NLRP12: variants seen among roughly 807,000 people sequenced by gnomAD.
NLRP12 encodes the protein NLR family pyrin domain containing 12.
NLRP12 carries 108 observed loss-of-function variants against 91.2 expected under a neutral mutation model. The observed-to-expected ratio is 1.18, with a 90% CI of 1.01 to 1.39. The LOEUF (loss-of-function observed/expected upper bound fraction) is 1.39. Ranked by LOEUF, NLRP12 falls within the 40% of genes most tolerant of loss-of-function variation. The pLI, the probability that NLRP12 is intolerant of heterozygous loss-of-function variation, is 0.00. For missense variants in NLRP12, 1,530 were observed against 1,352.7 expected (o/e 1.13, Z -2.06); for synonymous variants, 613 against 566.7 (o/e 1.08, Z -1.16).
In NLRP12 at chr19:53,795,865, A is replaced by T. The variant is rs2122504184; in HGVS notation, c.3092T>A (p.Val1031Asp). The change falls in exon 9 of 10, where the codon GTC becomes GAC. Residue 1031 changes from valine to aspartate, a missense_variant. By Grantham distance (152) the Val-to-Asp change is radical. Coordinates refer to ENST00000324134, the MANE Select transcript of NLRP12 (RefSeq NM_144687.4). ...ACTGGTCATCATCCCTCACCAGAGG[A>T]CTCGGAGTTTGCAGCCAGGATGGCT... ...RLSHPGCKLR[V>D]LWLFGMDLNK... 6.2e-7 allele frequency: 1 copy of T among 1,613,966 alleles called. No individual in the cohort carries two copies. The highest frequency in any genetic ancestry group is 8.5e-7 in the Non-Finnish European group (1 of 1,179,914).
In NLRP12 at chr19:53,809,579, ATACT is replaced by A. The variant is rs1568675400; in HGVS notation, c.2072+4_2072+7del. On this transcript the variant is annotated splice_donor_5th_base_variant and intron_variant, in intron 3 of 9. Coordinates refer to ENST00000324134, the MANE Select transcript of NLRP12 (RefSeq NM_144687.4). Reference sequence around the variant, plus strand: ...AGCAGCCCCAGGGGATACCCCAGGGATACTTACAGCTGCACCAACAGCGTGTGCG... The same window carrying A: ...AGCAGCCCCAGGGGATACCCCAGGGATACAGCTGCACCAACAGCGTGTGCG... The A allele has an allele frequency of 3.2e-5, 51 of 1,595,508 alleles. No homozygotes were observed. Among genetic ancestry groups the A allele is most frequent in the Non-Finnish European group, 4.3e-5 (50 of 1,168,656 alleles).
Position 53,794,053 on chromosome 19 carries a change from C to T in NLRP12, c.3182G>A (p.Cys1061Tyr), listed in dbSNP as rs199976849. 2 of 1,611,912 alleles carry T rather than the reference C, an allele frequency of 1.2e-6. No individual in the cohort carries two copies. The highest frequency in any genetic ancestry group is 2.2e-5 in the East Asian group (1 of 44,874). ...RVTKPYLDIG[C>Y] The stretch of plus-strand genomic sequence containing the variant: ...AGAGCCAGCAGATAGGACCATTCAG[C>T]AGCCAATGTCCAAATAAGGTTTTGT... Residue 1061 changes from cysteine (C) to tyrosine (Y), a missense_variant, in exon 10 of 10, where the codon TGC (cysteine) becomes TAC (tyrosine). Cys to Tyr is a radical substitution (Grantham distance 194, BLOSUM62 -2). Transcript: ENST00000324134.
At chr19:53,814,781 C>T in intron 2 of NLRP12, 127 bp downstream of exon 2, 1 of 783,256 alleles carries the variant, frequency 1.3e-6, no homozygotes, top group Non-Finnish European at 2.3e-6. Context: ...GAGGAAACTG[C>T]CCCTTTGATG....
intron 1 of NLRP12, among the ~76,000 whole-genome samples, chr19:53,816,936 A>C (rs2092169095): frequency 6.6e-6 from 1 of 152,110 alleles, no homozygotes; most frequent in Admixed American, 6.6e-5. Flanking sequence ...TGCAAGATGA[A>C]GAGTTCTGCA....
intron 8 of NLRP12, among the ~76,000 whole-genome samples, chr19:53,797,485 T>C (rs1378602903): frequency 6.6e-6 from 1 of 151,832 alleles, no homozygotes; most frequent in Non-Finnish European, 1.5e-5. Context: ...AGTGGCATGA[T>C]CTCAGCTCAC....
At chr19:53,799,099 G>A (rs1357799320) in intron 7 of NLRP12, among the ~76,000 whole-genome samples, 1 of 143,778 alleles carries the variant, frequency 7.0e-6, no homozygotes, top group African/African-American at 2.6e-5. Context: ...TGCAACCTCC[G>A]CCTCCTGGGT....
chr19:53,801,421 G>A, intron 6 of NLRP12, 24 bp from the exon 7 acceptor site: 1 of 1,536,884 alleles, frequency 6.5e-7, no homozygotes, highest in Non-Finnish European at 8.9e-7. Flanking sequence ...AATTCAACAA[G>A]CATTATGGAG....
chr19:53,816,775 C>T (rs987951595), intron 1 of NLRP12, among the ~76,000 whole-genome samples: 29 of 151,826 alleles, frequency 1.9e-4, no homozygotes, highest in Admixed American at 1.6e-3. Flanking sequence ...CTCCTGACCT[C>T]AGGTGATCTG....
intron 1 of NLRP12, among the ~76,000 whole-genome samples, chr19:53,816,056 G>A (rs1037675989): frequency 2.0e-5 from 3 of 151,690 alleles, no homozygotes; most frequent in Non-Finnish European, 4.4e-5. Flanking sequence ...AGTGGTATGG[G>A]CCATCGTGCC....
chr19:53,823,493 T>C lies in NLRP12; in HGVS notation c.289+393A>G, dbSNP rs1323676329. The stretch of plus-strand genomic sequence containing the variant: ...TATTTAAAATATATATTTTAAAATA[T>C]ATTTATTTAAAATATATATTTAAAA... On this transcript the variant is annotated intron_variant, in intron 1 of 9. Transcript: ENST00000324134. Among the ~76,000 whole-genome samples, 46 of 82,124 alleles carry C rather than the reference T, an allele frequency of 5.6e-4. No homozygotes were observed. The East Asian group carries it at 0.011, about 20-fold the overall frequency. 53.9% of individuals were successfully genotyped at this position (82,124 alleles called of 152,430 possible).
chr19:53,806,400 G>A (rs1180459332), intron 4 of NLRP12, among the ~76,000 whole-genome samples: 1 of 150,636 alleles, frequency 6.6e-6, no homozygotes, highest in Non-Finnish European at 1.5e-5. Context: ...TTAGCCTGGT[G>A]TGGCTGGGCA....
chr19:53,793,960 G>A lies in NLRP12; in HGVS notation c.*89C>T, dbSNP rs2091697582. Reference sequence around the variant, plus strand: ...ATCTGCATGAGTCTGTCTCTAGGAAGGAGGCTGATCATTATGCTGGGGGGG... The same window carrying A: ...ATCTGCATGAGTCTGTCTCTAGGAAAGAGGCTGATCATTATGCTGGGGGGG... On this transcript the variant is annotated 3_prime_UTR_variant, in exon 10 of 10. Coordinates refer to ENST00000324134, the MANE Select transcript of NLRP12 (RefSeq NM_144687.4). The A allele has an allele frequency of 2.2e-6, 2 of 898,886 alleles. No individual in the cohort carries two copies. The highest frequency in any genetic ancestry group is 3.4e-5 in the Admixed American group (2 of 58,112). The allele number at this position is 898,886 out of a possible 1,614,324, so 55.7% of individuals were successfully genotyped here.
At chr19:53,815,041 G>A (rs997977826) in intron 1 of NLRP12, 53 bp from the exon 2 acceptor site, 22 of 1,328,914 alleles carry the variant, frequency 1.7e-5, no homozygotes, top group African/African-American at 5.8e-5. Flanking sequence ...TAGTAGCACC[G>A]CGTCATATTA....
At chr19:53,794,821 C>T (rs2091719803) in intron 9 of NLRP12, among the ~76,000 whole-genome samples, 1 of 151,940 alleles carries the variant, frequency 6.6e-6, no homozygotes, top group Admixed American at 6.6e-5. Flanking sequence ...CACGTGCCAC[C>T]ATGCCTGGCT....
At chr19:53,801,116 A>T in intron 7 of NLRP12, 111 bp downstream of exon 7, 238 of 758,990 alleles carry the variant, frequency 3.1e-4, no homozygotes, top group Non-Finnish European at 4.9e-4. Flanking sequence ...AAAAAGGCTG[A>T]TGTAGTAGCT....
At chr19:53,823,425 T>TATTTTTAAAAC (rs1349434090) in intron 1 of NLRP12, among the ~76,000 whole-genome samples, 3 of 109,008 alleles carry the variant, frequency 2.8e-5, no homozygotes, top group African/African-American at 1.1e-4. Context: ...GTTTTAAATA[T>TATTTTTAAAAC]ATATATTTAA....
intron 5 of NLRP12, among the ~76,000 whole-genome samples, chr19:53,804,864 C>A (rs963234033): frequency 6.6e-6 from 1 of 151,888 alleles, no homozygotes; most frequent in Non-Finnish European, 1.5e-5. Flanking sequence ...CCCATCTCTA[C>A]TAAAAATACA....
chr19:53,814,475 C>CT (rs1392496897), intron 2 of NLRP12, among the ~76,000 whole-genome samples: 1 of 152,128 alleles, frequency 6.6e-6, no homozygotes, highest in African/African-American at 2.4e-5. Context: ...GCCTCAGCCT[C>CT]TGAGTAGCTG....
rs1402219233 is a variant in NLRP12 at position 53,819,868 on chromosome 19, GGAA to G, written c.289+4015_289+4017del. Reference sequence around the variant, plus strand: ...GGAGAGGGAGAGAAAAGAAAAGAAAGGAAGGAGGGAAGGAAAGGGAAAAGAAGG... The same window carrying G: ...GGAGAGGGAGAGAAAAGAAAAGAAAGGGAGGGAAGGAAAGGGAAAAGAAGG... On this transcript the variant is annotated intron_variant, in intron 1 of 9. Transcript: ENST00000324134. Among the ~76,000 whole-genome samples, 9 of 150,612 alleles carry G rather than the reference GGAA, an allele frequency of 6.0e-5. No homozygotes were observed. The East Asian group carries it at 1.8e-3, about 30-fold the overall frequency.
Sources: gnomAD v4.1 joint callset for allele counts (sites outside exome capture counted in the v4.1 genomes callset) on GRCh38, gnomAD v4.1.1 for gene constraint, MANE v1.5 for transcripts, NCBI Gene and HGNC (gene_info 2026-07-23, HGNC 2026-07-21) for gene names.